Variants in HADHB observed in about 807,000 individuals in gnomAD.
The protein encoded by HADHB is trifunctional enzyme subunit beta, mitochondrial.
In HADHB, 50 loss-of-function variants were observed where a neutral mutation model predicts 61.9. The ratio of observed to expected loss-of-function variants is 0.81; its 90% CI spans 0.64 to 1.02. The LOEUF is 1.02. Among genes scored for constraint, HADHB ranks in the 50% least tolerant of loss-of-function variants. The pLI, the probability that HADHB is intolerant of heterozygous loss-of-function variation, is 0.00. For missense variants in HADHB, 504 were observed against 586.5 expected (o/e 0.86, Z 1.45); for synonymous variants, 191 against 201.6 (o/e 0.95, Z 0.45).
At chr2:26,252,178 G>A (rs60798158) in intron 1 of HADHB, among the ~76,000 whole-genome samples, 1 of 152,310 alleles carries the variant, frequency 6.6e-6, no homozygotes, top group Admixed American at 6.5e-5. Flanking sequence ...AGATGCTGCA[G>A]TATCTCTTAT....
chr2:26,256,067 C>A (rs1178087599), intron 3 of HADHB, among the ~76,000 whole-genome samples: 1 of 152,212 alleles, frequency 6.6e-6, no homozygotes, highest in African/African-American at 2.4e-5. Flanking sequence ...TGTGTCTCCC[C>A]AACTGTATTG....
intron 15 of HADHB, among the ~76,000 whole-genome samples, chr2:26,288,836 G>A (rs1382754972): frequency 6.6e-6 from 1 of 152,152 alleles, no homozygotes; most frequent in Non-Finnish European, 1.5e-5. Flanking sequence ...GTAAATAATA[G>A]TTTCTTTTAT....
chr2:26,274,391 A>G (rs1303695787), intron 6 of HADHB, among the ~76,000 whole-genome samples: 2 of 152,240 alleles, frequency 1.3e-5, no homozygotes, highest in African/African-American at 4.8e-5. Context: ...AGTTGGCACC[A>G]AAAGCACATT....
rs143959467 is a variant in HADHB, at chr2:26,274,313, G to A, written c.354+563G>A. Among the ~76,000 whole-genome samples the A allele has an allele frequency of 8.0e-3, 1,222 of 152,318 alleles. 9 individuals are homozygous for A. Among genetic ancestry groups the A allele is most frequent in the Non-Finnish European group, 0.012 (836 of 68,032 alleles). ...TAATGACAGGCCTTGGAACTTCTAG[G>A]ATGTGTCCTACAGGCAAATCCAAAC... On this transcript the variant is annotated intron_variant, in intron 6 of 15. Coordinates refer to ENST00000317799, the MANE Select transcript of HADHB (RefSeq NM_000183.3).
chr2:26,268,065 C>A (rs1399426032), intron 4 of HADHB, among the ~76,000 whole-genome samples: 1 of 152,058 alleles, frequency 6.6e-6, no homozygotes, highest in Non-Finnish European at 1.5e-5. Context: ...TTGCTTGAGC[C>A]CATGAGTTTG....
At chr2:26,282,395 G>A (rs1672830604) in intron 10 of HADHB, among the ~76,000 whole-genome samples, 1 of 151,458 alleles carries the variant, frequency 6.6e-6, no homozygotes, top group African/African-American at 2.4e-5. Flanking sequence ...CAAGTAGCTG[G>A]GACTACAGGT....
Position 26,278,656 on chromosome 2 carries a change from CA to C in HADHB, c.486del (p.Gly163ValfsTer5), listed in dbSNP as rs752914522. On this transcript the variant is annotated frameshift_variant, in exon 8 of 16. Coordinates refer to ENST00000317799, the MANE Select transcript of HADHB (RefSeq NM_000183.3). LOFTEE classifies it high-confidence loss of function. ...TCTGGCCAGTGTGATGTGATCGTGGCAGGTGGTGTTGAGTTGATGTCCGATG... is the reference window on the plus strand; with the variant it reads ...TCTGGCCAGTGTGATGTGATCGTGGCGGTGGTGTTGAGTTGATGTCCGATG... The part of the protein sequence containing the change: ...IASGQCDVIV[A>X]GGVELMSDVP... 6.2e-7 allele frequency: 1 copy of C among 1,614,092 alleles called. No individual in the cohort carries two copies. The highest frequency in any genetic ancestry group is 1.3e-5 in the African/African-American group (1 of 75,028).
intron 1 of HADHB, among the ~76,000 whole-genome samples, chr2:26,249,179 A>G (rs929606381): frequency 6.6e-6 from 1 of 152,132 alleles, no homozygotes; most frequent in Admixed American, 6.5e-5. Context: ...TTGGTCATGT[A>G]TCAGGAAGGA....
intron 15 of HADHB, 80 bp downstream of exon 15, chr2:26,285,651 C>A: frequency 9.3e-7 from 1 of 1,070,794 alleles, no homozygotes; most frequent in Non-Finnish European, 1.4e-6. Context: ...AGTTTGAAAC[C>A]TTCTTAAAGC....
intron 15 of HADHB, among the ~76,000 whole-genome samples, 159 bp downstream of exon 15, chr2:26,285,730 GT>G (rs892568276): frequency 6.6e-5 from 3 of 45,256 alleles, no homozygotes; most frequent in African/African-American, 2.8e-4. Flanking sequence ...AAAACTTTTT[GT>G]TTTTTGGGTT....
chr2:26,248,464 C>T (rs913565688), intron 1 of HADHB, among the ~76,000 whole-genome samples: 1 of 151,940 alleles, frequency 6.6e-6, no homozygotes. Flanking sequence ...CCCTGGCCCA[C>T]CTTGAGTATT....
chr2:26,279,328 GCTTCATGACA>G lies in HADHB; in HGVS notation c.811+17_811+26del. 6.4e-7 allele frequency: 1 copy of G among 1,570,296 alleles called. No individual in the cohort carries two copies. The highest frequency in any genetic ancestry group is 8.8e-7 in the Non-Finnish European group (1 of 1,140,216). ...TTCAAAGTACCAGGTGAAATGAAATGCTTCATGACACTTATTAGGGAGTTCTGAATTGCTC... is the reference window on the plus strand; with the variant it reads ...TTCAAAGTACCAGGTGAAATGAAATGCTTATTAGGGAGTTCTGAATTGCTC... On this transcript the variant is annotated intron_variant, in intron 9 of 15. Coordinates refer to ENST00000317799, the MANE Select transcript of HADHB (RefSeq NM_000183.3).
chr2:26,280,951 A>G (rs1427376391), intron 10 of HADHB, among the ~76,000 whole-genome samples: 1 of 151,866 alleles, frequency 6.6e-6, no homozygotes, highest in Non-Finnish European at 1.5e-5. Flanking sequence ...TCTTTGGGGA[A>G]AAGTTAGGTT....
chr2:26,255,582 A>G (rs1454670739), intron 3 of HADHB, among the ~76,000 whole-genome samples: 1 of 151,430 alleles, frequency 6.6e-6, no homozygotes, highest in Non-Finnish European at 1.5e-5. Flanking sequence ...TTCCAGCTCT[A>G]CCTCTTTCTG....
At chr2:26,286,232 TTTC>T (rs1293556837) in intron 15 of HADHB, among the ~76,000 whole-genome samples, 1 of 152,214 alleles carries the variant, frequency 6.6e-6, no homozygotes, top group African/African-American at 2.4e-5. Flanking sequence ...CTTGATATAT[TTTC>T]TTCTTTAATA....
At chr2:26,268,875 G>A (rs959647132) in intron 4 of HADHB, among the ~76,000 whole-genome samples, 7 of 152,068 alleles carry the variant, frequency 4.6e-5, no homozygotes, top group Non-Finnish European at 1.0e-4. Context: ...GGCTGGGCGC[G>A]GTGACTCACG....
rs755803677 is a variant in HADHB at position 26,278,594 on chromosome 2, G to A, written c.443-20G>A. 4 of 1,600,256 alleles carry A rather than the reference G, an allele frequency of 2.5e-6. No homozygotes were observed. The highest frequency in any genetic ancestry group is 2.2e-5 in the South Asian group (2 of 90,788). On this transcript the variant is annotated intron_variant, in intron 7 of 15. Coordinates refer to ENST00000317799, the MANE Select transcript of HADHB (RefSeq NM_000183.3). ...ATTTTCTGTAAAAGATATTCATGAA[G>A]TATAACCTGTGCCCTGTAGGTGTTG...
chr2:26,270,799 C>T (rs1315573893), intron 5 of HADHB, among the ~76,000 whole-genome samples: 1 of 151,942 alleles, frequency 6.6e-6, no homozygotes. Context: ...GCTATAATCA[C>T]CTCTCTTCTG....
intron 3 of HADHB, among the ~76,000 whole-genome samples, chr2:26,255,511 A>G (rs928933294): frequency 8.0e-4 from 121 of 151,700 alleles, no homozygotes; most frequent in African/African-American, 2.8e-3. Flanking sequence ...AAAAAAAAAA[A>G]AAAGAAAGAA....
Sources: gnomAD v4.1 joint callset for allele counts (sites outside exome capture counted in the v4.1 genomes callset) on GRCh38, gnomAD v4.1.1 for gene constraint, MANE v1.5 for transcripts, NCBI Gene and HGNC (gene_info 2026-07-23, HGNC 2026-07-21) for gene names.